The following TEX11 variants were observed in gnomAD, a reference collection of about 807,000 sequenced individuals.
TEX11 encodes testis expressed 11.
TEX11 carries 7 observed loss-of-function variants against 84.4 expected under a neutral mutation model. The observed-to-expected ratio is 0.08, with a 90% CI of 0.05 to 0.16. TEX11 has a LOEUF of 0.16. TEX11 is among the 10% of genes least tolerant of loss of function. TEX11 has a pLI of 1.00. For synonymous variants in TEX11, 264 were observed against 222.8 expected (o/e 1.18, Z -1.64); for missense variants, 551 against 660.5 (o/e 0.83, Z 1.82).
rs182094734 is a variant in TEX11, at chrX:70,620,076, G to A, written c.1751+3874C>T. Among the ~76,000 whole-genome samples the A allele has an allele frequency of 4.0e-3, 447 of 110,687 alleles. 2 individuals are homozygous for A. Among genetic ancestry groups the A allele is most frequent in the African/African-American group, 0.014 (435 of 30,406 alleles). ...CCTGACCTTGTGATCCGCCCGCCTC[G>A]GCCTCCCAAAGTGCTGGGATTACAG... On this transcript the variant is annotated intron_variant, in intron 20 of 29. Coordinates refer to ENST00000374333, the MANE Select transcript of TEX11 (RefSeq NM_031276.3).
At chrX:70,823,086 T>C (rs1416326364) in intron 8 of TEX11, among the ~76,000 whole-genome samples, 1 of 111,033 alleles carries the variant, frequency 9.0e-6, no homozygotes, top group African/African-American at 3.3e-5. Context: ...AAGGAAATTG[T>C]CTCATTTGAA....
intron 28 of TEX11, among the ~76,000 whole-genome samples, chrX:70,542,882 A>G (rs1402070460): frequency 8.9e-6 from 1 of 112,764 alleles, no homozygotes; most frequent in Non-Finnish European, 1.9e-5. Context: ...CAAGAGGGTT[A>G]TTAAATTAAT....
At chrX:70,793,071 A>G (rs778270454) in intron 9 of TEX11, among the ~76,000 whole-genome samples, 1 of 111,748 alleles carries the variant, frequency 8.9e-6, no homozygotes, top group Non-Finnish European at 1.9e-5. Flanking sequence ...CTGACCACAT[A>G]AACAGAATTA....
intron 25 of TEX11, among the ~76,000 whole-genome samples, chrX:70,568,403 A>C (rs2088528674): frequency 1.8e-5 from 2 of 110,521 alleles, no homozygotes; most frequent in South Asian, 8.0e-4. Flanking sequence ...TAGTCCATTT[A>C]CAATTAAAGT....
intron 28 of TEX11, among the ~76,000 whole-genome samples, chrX:70,535,485 G>A (rs2087944518): frequency 9.0e-6 from 1 of 111,687 alleles, no homozygotes; most frequent in Non-Finnish European, 1.9e-5. Context: ...GGTGGCTCAT[G>A]CCTATAATCC....
chrX:70,560,023 T>C (rs2404190), intron 25 of TEX11, among the ~76,000 whole-genome samples: 9,336 of 111,633 alleles, frequency 0.084, 850 homozygotes, highest in African/African-American at 0.27. Flanking sequence ...CTTGATTTTT[T>C]TTTTAGTCAT....
intron 9 of TEX11, among the ~76,000 whole-genome samples, chrX:70,794,204 T>A (rs954065004): frequency 9.0e-6 from 1 of 111,026 alleles, no homozygotes; most frequent in African/African-American, 3.3e-5. Context: ...GGATAGAGAG[T>A]GCAATGATTG....
rs764151785 is a variant in TEX11 at position 70,795,650 on chromosome X, A to G, written c.692+11055T>C. On this transcript the variant is annotated intron_variant, in intron 9 of 29. Transcript: ENST00000374333. Reference sequence around the variant, plus strand: ...AGTTCAATACAGAAAAACAGACTCCATTTGTTAGAGAGAAAGCAAGGGAAG... The same window carrying G: ...AGTTCAATACAGAAAAACAGACTCCGTTTGTTAGAGAGAAAGCAAGGGAAG... 3.0e-3 allele frequency among the ~76,000 whole-genome samples: 330 copies of G among 110,801 alleles called. 1 individual carries two copies. Among genetic ancestry groups the G allele is most frequent in the African/African-American group, 0.01 (305 of 30,471 alleles).
At chrX:70,604,278 T>C (rs1486261925) in intron 24 of TEX11, among the ~76,000 whole-genome samples, 1 of 112,136 alleles carries the variant, frequency 8.9e-6, no homozygotes, top group African/African-American at 3.2e-5. Context: ...GTTATTATTA[T>C]TTTTTAGTAA....
downstream of TEX11, among the ~76,000 whole-genome samples, chrX:70,525,662 C>A (rs1463057323): frequency 9.0e-6 from 1 of 111,155 alleles, no homozygotes; most frequent in Admixed American, 9.6e-5. Context: ...ACAACATCTT[C>A]TCTCATGGAG....
At chrX:70,891,133 A>G (rs1213784185) in intron 2 of TEX11, among the ~76,000 whole-genome samples, 1 of 112,381 alleles carries the variant, frequency 8.9e-6, no homozygotes, top group Non-Finnish European at 1.9e-5. Flanking sequence ...CCTGCAGCTG[A>G]GGGACCTGAC....
At chrX:70,809,668 T>C (rs2091240334) in intron 8 of TEX11, among the ~76,000 whole-genome samples, 1 of 111,378 alleles carries the variant, frequency 9.0e-6, no homozygotes, top group Non-Finnish European at 1.9e-5. Context: ...AAAGTCAGGA[T>C]GGGTACTGGT....
At chrX:70,752,992 C>T (rs1048733985) in intron 9 of TEX11, among the ~76,000 whole-genome samples, 1 of 110,206 alleles carries the variant, frequency 9.1e-6, no homozygotes, top group Non-Finnish European at 1.9e-5. Flanking sequence ...GACGCCTGCC[C>T]GTGGAGGGGG....
chrX:70,799,474 G>GA (rs1356587232), intron 9 of TEX11, among the ~76,000 whole-genome samples: 2 of 111,797 alleles, frequency 1.8e-5, no homozygotes, highest in Non-Finnish European at 3.8e-5. Flanking sequence ...TTGGCTTTCT[G>GA]AAAAAACTCT....
chrX:70,887,930 G>A (rs2091718465), intron 2 of TEX11, among the ~76,000 whole-genome samples: 1 of 112,791 alleles, frequency 8.9e-6, no homozygotes, highest in South Asian at 3.7e-4. Context: ...GCCTCTGCTG[G>A]GTAATCTAGA....
intron 9 of TEX11, among the ~76,000 whole-genome samples, chrX:70,800,838 G>T (rs764710569): frequency 1.8e-5 from 2 of 109,737 alleles, no homozygotes; most frequent in African/African-American, 6.6e-5. Flanking sequence ...GACTACAGGC[G>T]CATGCCACCA....
chrX:70,837,627 CA>C (rs35067747), intron 7 of TEX11, among the ~76,000 whole-genome samples: 71 of 97,331 alleles, frequency 7.3e-4, no homozygotes, highest in African/African-American at 1.4e-3. Flanking sequence ...GGACGGATCG[CA>C]AAAAAAAAAA....
At chrX:70,758,083 A>G (rs2090881191) in intron 9 of TEX11, among the ~76,000 whole-genome samples, 1 of 112,072 alleles carries the variant, frequency 8.9e-6, no homozygotes, top group Admixed American at 9.5e-5. Context: ...ACTATCCTAA[A>G]TATATATGCA....
intron 13 of TEX11, among the ~76,000 whole-genome samples, chrX:70,706,991 C>G (rs550983792): frequency 9.0e-6 from 1 of 111,344 alleles, no homozygotes; most frequent in Admixed American, 9.6e-5. Context: ...ACTTCTCTAA[C>G]TTTATATTTC....
Sources: allele counts gnomAD v4.1 joint callset (sites outside exome capture counted in the v4.1 genomes callset), GRCh38; gene constraint gnomAD v4.1.1; transcripts MANE v1.5; gene names NCBI Gene and HGNC (gene_info 2026-07-23, HGNC 2026-07-21).